SCFD2: variants seen among roughly 807,000 people sequenced by gnomAD.
SCFD2 encodes the protein sec1 family domain containing 2, also known as sec1 family domain-containing protein 2.
Under a neutral mutation model 58.9 loss-of-function variants are expected in SCFD2, and 54 were observed. That is an observed-to-expected ratio of 0.92 (90% CI 0.74 to 1.15). SCFD2 has a LOEUF of 1.15. SCFD2 is among the 50% of genes most tolerant of loss of function. The pLI is 0.00. For synonymous variants in SCFD2, 321 were observed against 335.9 expected (o/e 0.96, Z 0.49); for missense variants, 805 against 836.6 (o/e 0.96, Z 0.47).
chr4:53,293,321 GAGAA>G (rs1475261420), intron 3 of SCFD2, among the ~76,000 whole-genome samples: 5 of 151,860 alleles, frequency 3.3e-5, no homozygotes, highest in Non-Finnish European at 7.4e-5. Context: ...GAAGCAGGGG[GAGAA>G]AGAACATCAA....
chr4:52,916,705 T>A (rs1719617634), intron 6 of SCFD2, among the ~76,000 whole-genome samples: 2 of 152,368 alleles, frequency 1.3e-5, no homozygotes, highest in Admixed American at 1.3e-4. Flanking sequence ...ATCAACCTTC[T>A]GCCATACACA....
At chr4:53,065,862 AG>A (rs1299510589) in intron 5 of SCFD2, among the ~76,000 whole-genome samples, 1 of 152,108 alleles carries the variant, frequency 6.6e-6, no homozygotes, top group Non-Finnish European at 1.5e-5. Context: ...TGGAGAAATA[AG>A]TAAGATTGCT....
intron 5 of SCFD2, among the ~76,000 whole-genome samples, chr4:52,985,255 ATG>A (rs1560502014): frequency 6.6e-6 from 1 of 152,198 alleles, no homozygotes; most frequent in Non-Finnish European, 1.5e-5. Context: ...GGTATTCAGC[ATG>A]TGTTAGTGAA....
chr4:53,115,029 AT>A, intron 5 of SCFD2, among the ~76,000 whole-genome samples: 1 of 152,294 alleles, frequency 6.6e-6, no homozygotes. Context: ...TATTAAAAAA[AT>A]GTTTAAATAA....
At chr4:52,902,564 G>T (rs550853678) in intron 7 of SCFD2, among the ~76,000 whole-genome samples, 1 of 152,220 alleles carries the variant, frequency 6.6e-6, no homozygotes. Context: ...AGGCATACAA[G>T]GGTATTCAAG....
rs1299493771 is a variant in SCFD2 at position 52,920,738 on chromosome 4, T to G, written c.1694A>C (p.Asn565Thr). The change falls in exon 6 of 9, where the codon AAT becomes ACT. Residue 565 changes from asparagine (N) to threonine (T), a missense_variant. Asn to Thr is a moderately conservative substitution (Grantham distance 65, BLOSUM62 0). This residue lies in a region of SCFD2 where 633 missense variants were observed against 646.8 expected (regional missense o/e 0.98). Coordinates refer to ENST00000401642, the MANE Select transcript of SCFD2 (RefSeq NM_152540.4). ...KQFKSVYVPG[N>T]HTHQASYKPL... ...GTATATACTTGCCTGGTGGGTATGA[T>G]TTCCAGGAACATATACAGACTTAAA... 10 of 1,603,656 alleles carry G rather than the reference T, an allele frequency of 6.2e-6. No homozygotes were observed. The highest frequency in any genetic ancestry group is 5.1e-5 in the Admixed American group (3 of 58,606).
At chr4:53,209,618 G>A (rs1728542574) in intron 4 of SCFD2, among the ~76,000 whole-genome samples, 1 of 151,990 alleles carries the variant, frequency 6.6e-6, no homozygotes, top group Non-Finnish European at 1.5e-5. Flanking sequence ...GCCACTCAGG[G>A]AATACCAACT....
intron 2 of SCFD2, among the ~76,000 whole-genome samples, chr4:53,341,135 G>C (rs544639775): frequency 6.6e-6 from 1 of 152,214 alleles, no homozygotes; most frequent in East Asian, 1.9e-4. Flanking sequence ...GAGAGAAGGC[G>C]GCTTTAGATG....
chr4:52,882,688 G>A (rs188393888), intron 8 of SCFD2, among the ~76,000 whole-genome samples: 1 of 152,296 alleles, frequency 6.6e-6, no homozygotes, highest in African/African-American at 2.4e-5. Context: ...ACATTGAACT[G>A]CAAGTTCTTC....
chr4:52,929,049 G>T (rs528300913), intron 5 of SCFD2, among the ~76,000 whole-genome samples: 1 of 152,156 alleles, frequency 6.6e-6, no homozygotes, highest in Non-Finnish European at 1.5e-5. Context: ...TTCCAAAAAG[G>T]CTACTTGAGA....
intron 5 of SCFD2, among the ~76,000 whole-genome samples, chr4:52,924,135 A>T (rs1319458113): frequency 6.6e-6 from 1 of 152,234 alleles, no homozygotes; most frequent in Admixed American, 6.5e-5. Context: ...TAGAACAGAA[A>T]GAGTCATCCA....
At chr4:52,973,266 C>G (rs559189602) in intron 5 of SCFD2, among the ~76,000 whole-genome samples, 1 of 151,142 alleles carries the variant, frequency 6.6e-6, no homozygotes, top group East Asian at 1.9e-4. Flanking sequence ...ATTGATAGAC[C>G]GCTAGCAATA....
At chr4:53,234,987 T>G (rs1005584847) in intron 4 of SCFD2, among the ~76,000 whole-genome samples, 6 of 152,212 alleles carry the variant, frequency 3.9e-5, no homozygotes, top group Admixed American at 2.0e-4. Flanking sequence ...CTTCCCATCT[T>G]TTGCTCAAAC....
rs571185315 is a variant in SCFD2 at position 53,239,180 on chromosome 4, G to A, written c.1311+34646C>T. Reference sequence around the variant, plus strand: ...TGGAGACTGGCCTGGCCAACACAGCGAAACCCCGTCTCCACCAAAACCAGT... The same window carrying A: ...TGGAGACTGGCCTGGCCAACACAGCAAAACCCCGTCTCCACCAAAACCAGT... On this transcript the variant is annotated intron_variant, in intron 4 of 8. Coordinates refer to ENST00000401642, the MANE Select transcript of SCFD2 (RefSeq NM_152540.4). 6.0e-3 allele frequency among the ~76,000 whole-genome samples: 916 copies of A among 151,790 alleles called. 7 individuals are homozygous for A. Among genetic ancestry groups the A allele is most frequent in the African/African-American group, 0.02 (843 of 41,318 alleles).
chr4:52,972,332 C>G (rs1439719378), intron 5 of SCFD2, among the ~76,000 whole-genome samples: 1 of 151,884 alleles, frequency 6.6e-6, no homozygotes, highest in Non-Finnish European at 1.5e-5. Flanking sequence ...ATCTACCAAG[C>G]AAATGGAAAA....
intron 7 of SCFD2, among the ~76,000 whole-genome samples, chr4:52,899,667 C>T (rs538644348): frequency 0.014 from 2,062 of 152,026 alleles, 53 homozygotes; most frequent in African/African-American, 0.047. Context: ...TGTGGCGTTC[C>T]CTGTATTTCC....
chr4:53,126,433 A>G (rs534818285), intron 5 of SCFD2, among the ~76,000 whole-genome samples: 1 of 152,272 alleles, frequency 6.6e-6, no homozygotes, highest in South Asian at 2.1e-4. Context: ...CTCCTGCCTC[A>G]GCTTCCTGAG....
intron 5 of SCFD2, among the ~76,000 whole-genome samples, chr4:53,103,897 TA>T (rs34101811): frequency 0.3 from 22,204 of 73,916 alleles, 1,744 homozygotes; most frequent in Non-Finnish European, 0.37. Flanking sequence ...CAATATGAGC[TA>T]AAAAAAAAAA....
At chr4:53,107,274 A>C (rs1725032897) in intron 5 of SCFD2, among the ~76,000 whole-genome samples, 1 of 152,170 alleles carries the variant, frequency 6.6e-6, no homozygotes, top group African/African-American at 2.4e-5. Flanking sequence ...GCAAAAACAT[A>C]CCAAATTGTA....
Sources: gnomAD v4.1 joint callset for allele counts (sites outside exome capture counted in the v4.1 genomes callset) on GRCh38, gnomAD v4.1.1 for gene constraint, gnomAD v4.1.1 regional missense constraint, MANE v1.5 for transcripts, NCBI Gene and HGNC (gene_info 2026-07-23, HGNC 2026-07-21) for gene names.